FGGY: variants seen among roughly 807,000 people sequenced by gnomAD.
FGGY encodes FGGY carbohydrate kinase domain-containing protein.
Under a neutral mutation model 71.3 loss-of-function variants are expected in FGGY, and 72 were observed. That is an observed-to-expected ratio of 1.01 (90% confidence interval 0.84 to 1.23). The LOEUF is 1.23. FGGY is among the 50% of genes most tolerant of loss of function. The probability of loss-of-function intolerance (pLI) is 0.00; values close to 1 mark genes in which losing one functional copy is unlikely to be tolerated. For synonymous variants in FGGY, 251 were observed against 250.3 expected, an observed-to-expected ratio of 1.00 and a Z score of -0.02; for missense variants, 668 against 682.3, an observed-to-expected ratio of 0.98 and a Z score of 0.23.
intron 10 of FGGY, among the ~76,000 whole-genome samples, chr1:59,636,332 G>A (rs2096958835): frequency 6.6e-6 from 1 of 152,108 alleles, no homozygotes; most frequent in South Asian, 2.1e-4. Flanking sequence ...TAATAAAGGA[G>A]TTCTACTGGA....
At chr1:59,741,004 A>C (rs921960016) in intron 14 of FGGY, among the ~76,000 whole-genome samples, 1 of 152,090 alleles carries the variant, frequency 6.6e-6, no homozygotes, top group Non-Finnish European at 1.5e-5. Flanking sequence ...TAATAGGTTA[A>C]ATAAAAACAT....
chr1:59,594,526 C>T (rs372944977), intron 8 of FGGY, among the ~76,000 whole-genome samples: 1 of 152,202 alleles, frequency 6.6e-6, no homozygotes, highest in Admixed American at 6.5e-5. Context: ...CTGCTTCTTC[C>T]TGGCACCAGG....
At chr1:59,386,936 T>C (rs1213639740) in intron 5 of FGGY, among the ~76,000 whole-genome samples, 1 of 152,178 alleles carries the variant, frequency 6.6e-6, no homozygotes, top group Non-Finnish European at 1.5e-5. Flanking sequence ...CCCTCCATTA[T>C]AATGTATAAT....
intron 11 of FGGY, among the ~76,000 whole-genome samples, chr1:59,650,650 T>C (rs1225347650): frequency 8.3e-6 from 1 of 119,786 alleles, no homozygotes; most frequent in East Asian, 2.1e-4. Flanking sequence ...ATTTCTTCTT[T>C]ATTAGTCTTG....
chr1:59,698,294 A>G (rs2097679766), intron 14 of FGGY, among the ~76,000 whole-genome samples: 1 of 151,974 alleles, frequency 6.6e-6, no homozygotes, highest in Non-Finnish European at 1.5e-5. Flanking sequence ...ACTGAGTAGA[A>G]CTCTATTATG....
At chr1:59,496,160 C>A (rs899720164) in intron 6 of FGGY, among the ~76,000 whole-genome samples, 5 of 152,102 alleles carry the variant, frequency 3.3e-5, no homozygotes, top group African/African-American at 1.2e-4. Context: ...TGATTTCTTT[C>A]AGCAGTGTTT....
intron 7 of FGGY, among the ~76,000 whole-genome samples, chr1:59,544,014 A>C (rs1468675464): frequency 6.6e-6 from 1 of 152,218 alleles, no homozygotes; most frequent in Non-Finnish European, 1.5e-5. Flanking sequence ...ACCTAGGATG[A>C]GCAACTATTC....
At chr1:59,428,937 C>A (rs1057275731) in intron 5 of FGGY, among the ~76,000 whole-genome samples, 7 of 152,286 alleles carry the variant, frequency 4.6e-5, no homozygotes, top group African/African-American at 1.7e-4. Flanking sequence ...AAATCCTGGT[C>A]CTTACCCGCT....
intron 11 of FGGY, among the ~76,000 whole-genome samples, chr1:59,647,305 C>A (rs2097104323): frequency 2.6e-5 from 4 of 152,158 alleles, no homozygotes; most frequent in Admixed American, 2.6e-4. Flanking sequence ...TAGACTTAAA[C>A]CCTCAGAAGC....
chr1:59,531,260 G>C (rs983035488), intron 7 of FGGY, among the ~76,000 whole-genome samples: 1 of 152,098 alleles, frequency 6.6e-6, no homozygotes, highest in African/African-American at 2.4e-5. Context: ...CAAGATTCAT[G>C]CTTTTTCTTC....
chr1:59,659,013 G>A (rs2097249989), intron 11 of FGGY, among the ~76,000 whole-genome samples: 1 of 152,124 alleles, frequency 6.6e-6, no homozygotes, highest in Non-Finnish European at 1.5e-5. Context: ...TATGAGGTCA[G>A]GAGTTTGAGA....
intron 11 of FGGY, among the ~76,000 whole-genome samples, 182 bp downstream of exon 11, chr1:59,638,557 T>C (rs989718576): frequency 6.6e-6 from 1 of 152,272 alleles, no homozygotes; most frequent in Non-Finnish European, 1.5e-5. Context: ...TTTCATTGTT[T>C]CTGAGCCAAC....
At chr1:59,468,636 G>T (rs998496437) in intron 6 of FGGY, among the ~76,000 whole-genome samples, 4 of 152,142 alleles carry the variant, frequency 2.6e-5, no homozygotes, top group Non-Finnish European at 5.9e-5. Context: ...ACTTTGGGAG[G>T]CCGAGGCAGG....
chr1:59,501,642 A>G (rs2094226272), intron 6 of FGGY, among the ~76,000 whole-genome samples: 1 of 152,194 alleles, frequency 6.6e-6, no homozygotes, highest in Non-Finnish European at 1.5e-5. Flanking sequence ...TTTTGAAACA[A>G]GCGTTTTGTT....
At chr1:59,537,629 G>A (rs930774295) in intron 7 of FGGY, among the ~76,000 whole-genome samples, 88 of 152,186 alleles carry the variant, frequency 5.8e-4, no homozygotes, top group African/African-American at 2.1e-3. Flanking sequence ...AAACAGCATG[G>A]TACTGGTACC....
chr1:59,627,454 TTATATATATATATATA>T (rs60500862), intron 10 of FGGY, among the ~76,000 whole-genome samples: 7 of 97,334 alleles, frequency 7.2e-5, no homozygotes, highest in South Asian at 4.5e-4. Flanking sequence ...ACTTATGATT[TTATATATATATATATA>T]TATATATATA....
At chr1:59,510,723 T>C (rs1334592351) in intron 6 of FGGY, among the ~76,000 whole-genome samples, 1 of 152,250 alleles carries the variant, frequency 6.6e-6, no homozygotes, top group Non-Finnish European at 1.5e-5. Flanking sequence ...ATGGAATTGA[T>C]ATAAAAATTA....
chr1:59,699,747 G>A (rs1042480887), intron 14 of FGGY, among the ~76,000 whole-genome samples: 16 of 152,122 alleles, frequency 1.1e-4, no homozygotes, highest in African/African-American at 2.4e-4. Context: ...TTTAATTCTC[G>A]TTCTTATTTG....
At chr1:59,699,621 G>A (rs926302093) in intron 14 of FGGY, among the ~76,000 whole-genome samples, 2 of 151,934 alleles carry the variant, frequency 1.3e-5, no homozygotes, top group Non-Finnish European at 2.9e-5. Flanking sequence ...AAAAAAAGGA[G>A]GTAAATAAAA....
Sources: allele counts gnomAD v4.1 joint callset (sites outside exome capture counted in the v4.1 genomes callset), GRCh38; gene constraint gnomAD v4.1.1; transcripts MANE v1.5; gene names NCBI Gene and HGNC (gene_info 2026-07-23, HGNC 2026-07-21).